BCOR: variants seen among roughly 807,000 people sequenced by gnomAD.
BCOR encodes the protein BCL6 corepressor.
Under a neutral mutation model 86.7 loss-of-function variants are expected in BCOR, and 10 were observed. That is an observed-to-expected ratio of 0.12 (90% confidence interval 0.07 to 0.20). The LOEUF (loss-of-function observed/expected upper bound fraction) is 0.20, where lower values mean the gene tolerates loss of function less well. BCOR is among the 10% of genes least tolerant of loss of function. The pLI is 1.00. For synonymous variants in BCOR, 611 were observed against 609.0 expected, an observed-to-expected ratio of 1.00 and a Z score of -0.05; for missense variants, 1,259 against 1,452.1, an observed-to-expected ratio of 0.87 and a Z score of 2.16.
intron 1 of BCOR, among the ~76,000 whole-genome samples, chrX:40,117,900 G>A (rs758734378): frequency 2.7e-5 from 3 of 110,462 alleles, no homozygotes; most frequent in East Asian, 5.7e-4. Context: ...CTGGCATGAG[G>A]CTTCCTAGAA....
intron 1 of BCOR, among the ~76,000 whole-genome samples, chrX:40,129,819 T>C (rs1291825004): frequency 9.0e-6 from 1 of 110,698 alleles, no homozygotes; most frequent in Non-Finnish European, 1.9e-5. Context: ...GGCAAGCGGA[T>C]AGCTTGAGGT....
At chrX:40,058,198 C>A (rs748087892) in intron 10 of BCOR, among the ~76,000 whole-genome samples, 2 of 112,649 alleles carry the variant, frequency 1.8e-5, no homozygotes, top group African/African-American at 3.2e-5. Context: ...AATCTCACTT[C>A]TTTGGCGTGT....
At chrX:40,171,691 G>A (rs901071444) in intron 1 of BCOR, among the ~76,000 whole-genome samples, 17 of 113,144 alleles carry the variant, frequency 1.5e-4, no homozygotes, top group African/African-American at 5.5e-4. Flanking sequence ...GACATGGCGA[G>A]CGAGACCAGA....
chrX:40,077,794 C>T, intron 2 of BCOR, 50 bp downstream of exon 2: 1 of 1,129,607 alleles, frequency 8.9e-7, no homozygotes, highest in African/African-American at 1.8e-5. Flanking sequence ...AGGGGGGCTT[C>T]AGCATGGGCG....
At chrX:40,083,721 G>A (rs1181217034) in intron 1 of BCOR, among the ~76,000 whole-genome samples, 1 of 112,487 alleles carries the variant, frequency 8.9e-6, no homozygotes, top group Non-Finnish European at 1.9e-5. Flanking sequence ...CTCCTCGGCG[G>A]AGGTCCCAGC....
rs553360810 is a variant in BCOR, at chrX:40,168,638, G to C, written c.-41+8369C>G. ...CTCCACAAGGCACGGAGGGCGAGAG[G>C]GGGGCCAAGGGGCTGGGGCTCCCCG... On this transcript the variant is annotated intron_variant, in intron 1 of 14. Coordinates refer to the BCOR transcript ENST00000342274. Among the ~76,000 whole-genome samples the C allele has an allele frequency of 6.2e-5, 7 of 112,609 alleles. No individual in the cohort carries two copies. The South Asian group carries it at 2.2e-3, about 35-fold the overall frequency.
At chrX:40,150,691 G>A (rs1938149928) in intron 1 of BCOR, among the ~76,000 whole-genome samples, 1 of 111,611 alleles carries the variant, frequency 9.0e-6, no homozygotes, top group African/African-American at 3.3e-5. Flanking sequence ...CCTACACCCA[G>A]CCTCCTGGGA....
In BCOR at chrX:40,130,996, C is replaced by A. The variant is rs750082089; in HGVS notation, c.-41+46011G>T. ...CTCAGCTCCTCCACTGTCTCCAGACCTGAGGTGAAGAAAGCAAGGTCAGAG... is the reference window on the plus strand; with the variant it reads ...CTCAGCTCCTCCACTGTCTCCAGACATGAGGTGAAGAAAGCAAGGTCAGAG... On this transcript the variant is annotated intron_variant, in intron 1 of 14. Transcript: ENST00000342274. 3.6e-5 allele frequency among the ~76,000 whole-genome samples: 4 copies of A among 111,649 alleles called. 1 individual carries two copies. The highest frequency in any genetic ancestry group is 7.5e-5 in the Non-Finnish European group (4 of 53,074).
chrX:40,086,863 G>A (rs1936380806), intron 1 of BCOR, among the ~76,000 whole-genome samples: 1 of 113,284 alleles, frequency 8.8e-6, no homozygotes. Context: ...CAGCTGGCAG[G>A]TTTCTCCGGA....
chrX:40,140,169 A>G (rs1451249277), intron 1 of BCOR, among the ~76,000 whole-genome samples: 1 of 108,822 alleles, frequency 9.2e-6, no homozygotes, highest in African/African-American at 3.4e-5. Context: ...AAATATATAT[A>G]TACCTAAGCG....
intron 1 of BCOR, among the ~76,000 whole-genome samples, chrX:40,170,993 G>A (rs192655695): frequency 2.0e-4 from 22 of 111,683 alleles, no homozygotes; most frequent in Non-Finnish European, 3.8e-4. Context: ...AAACCCATCC[G>A]AGGGGGACAG....
chrX:40,153,601 C>A lies in BCOR; in HGVS notation c.-41+23406G>T, dbSNP rs755928806. Among the ~76,000 whole-genome samples the A allele has an allele frequency of 1.2e-3, 136 of 111,636 alleles. 1 individual carries two copies. The highest frequency in any genetic ancestry group is 3.4e-3 in the South Asian group (9 of 2,668). On this transcript the variant is annotated intron_variant, in intron 1 of 14. Transcript: ENST00000342274. ...CTGCCTCGGAAGCTGAGACTAAGAGCGAGGGTTTTCCCCCTTTCCCCTGGG... is the reference window on the plus strand; with the variant it reads ...CTGCCTCGGAAGCTGAGACTAAGAGAGAGGGTTTTCCCCCTTTCCCCTGGG...
intron 1 of BCOR, among the ~76,000 whole-genome samples, chrX:40,133,521 G>A (rs746405937): frequency 1.4e-4 from 15 of 107,360 alleles, no homozygotes; most frequent in Admixed American, 7.0e-4. Flanking sequence ...GTGCAGTGGC[G>A]CTACCTCGGC....
intron 1 of BCOR, among the ~76,000 whole-genome samples, chrX:40,142,267 C>T (rs1288582850): frequency 8.9e-6 from 1 of 112,343 alleles, no homozygotes; most frequent in Non-Finnish European, 1.9e-5. Context: ...TCTCTTTTGC[C>T]ACAAACATGT....
rs868100355 is a variant in BCOR, at chrX:40,063,011, C to T, written c.3908G>A (p.Gly1303Asp). 2 of 1,175,306 alleles carry T rather than the reference C, an allele frequency of 1.7e-6. No individual in the cohort carries two copies. Among genetic ancestry groups the T allele is most frequent in the Non-Finnish European group, 1.1e-6 (1 of 877,007 alleles). The stretch of plus-strand genomic sequence containing the variant: ...GCAGCTTGGCTGAGCCTGCTTTTTG[C>T]CGCCTGCACTGGTGGATGAAAGACT... Reference protein sequence around the residue: ...MKSLSSTSAGGKKQAQPSCAP... With the variant: ...MKSLSSTSAGDKKQAQPSCAP... The change falls in exon 9 of 15, where the codon GGC (glycine) becomes GAC (aspartate). Residue 1303 changes from glycine to aspartate, a missense_variant. Coordinates refer to ENST00000378444, the MANE Select transcript of BCOR (RefSeq NM_001123385.2).
chrX:40,165,205 TG>T (rs1386860251), intron 1 of BCOR, among the ~76,000 whole-genome samples: 1 of 110,393 alleles, frequency 9.1e-6, no homozygotes, highest in Non-Finnish European at 1.9e-5. Flanking sequence ...TGGGGTGGGG[TG>T]GGGGATGAGA....
At chrX:40,117,038 A>C (rs780617068) in intron 1 of BCOR, among the ~76,000 whole-genome samples, 2 of 112,553 alleles carry the variant, frequency 1.8e-5, no homozygotes, top group South Asian at 7.3e-4. Context: ...GGAGGAGAGA[A>C]GATCAGTTTC....
chrX:40,086,516 C>G (rs1261842299), intron 1 of BCOR, among the ~76,000 whole-genome samples: 1 of 112,837 alleles, frequency 8.9e-6, no homozygotes, highest in Non-Finnish European at 1.9e-5. Context: ...CATCCTGCAC[C>G]CCACCCCAAT....
chrX:40,089,019 G>A (rs2147561653), intron 1 of BCOR, among the ~76,000 whole-genome samples: 1 of 112,008 alleles, frequency 8.9e-6, no homozygotes, highest in South Asian at 3.7e-4. Flanking sequence ...CAAAGGGAAA[G>A]GGGAACCCAG....
Sources: allele counts gnomAD v4.1 joint callset (sites outside exome capture counted in the v4.1 genomes callset), GRCh38; gene constraint gnomAD v4.1.1; transcripts MANE v1.5; gene names NCBI Gene and HGNC (gene_info 2026-07-23, HGNC 2026-07-21).